The following BTN3A1 variants were observed in gnomAD, a reference collection of about 807,000 sequenced individuals.
BTN3A1 encodes the protein butyrophilin subfamily 3 member A1.
Under a neutral mutation model 43.0 loss-of-function variants are expected in BTN3A1, and 24 were observed. The observed-to-expected ratio is 0.56, with a 90% CI of 0.40 to 0.78. The LOEUF (loss-of-function observed/expected upper bound fraction) is 0.78. Ranked by LOEUF, BTN3A1 falls within the 30% of genes least tolerant of loss-of-function variation. BTN3A1 has a pLI of 0.00. For missense variants in BTN3A1, 533 were observed against 626.2 expected (o/e 0.85, Z 1.59); for synonymous variants, 181 against 234.7 (o/e 0.77, Z 2.09).
Position 26,413,383 on chromosome 6 carries a change from G to A in BTN3A1, c.1233G>A (p.Val411=), listed in dbSNP as rs557429898. The change falls in exon 10 of 10, where the codon GTG becomes GTA. Residue 411 remains valine (V), a synonymous_variant. Coordinates refer to ENST00000289361, the MANE Select transcript of BTN3A1 (RefSeq NM_007048.6). The part of the protein sequence containing the change: ...VGDRKEWHIG[V]CSKNVQRKGW... ...ACAGGAAAGAGTGGCATATAGGGGT[G>A]TGCAGTAAGAATGTGCAGAGAAAAG... is the stretch of plus-strand genomic sequence containing the variant. 19 of 1,613,964 alleles carry A rather than the reference G, an allele frequency of 1.2e-5. No individual in the cohort carries two copies. In the African/African-American group the frequency reaches 1.5e-4, roughly 12 times the overall value.
chr6:26,412,868 G>A (rs1762266745), intron 9 of BTN3A1: 2 of 1,508,170 alleles, frequency 1.3e-6, no homozygotes, highest in Non-Finnish European at 8.9e-7. Flanking sequence ...AATATGGGGA[G>A]GGAAACAAGA....
intron 1 of BTN3A1, among the ~76,000 whole-genome samples, chr6:26,403,623 T>C (rs1021956647): frequency 3.3e-5 from 5 of 151,826 alleles, no homozygotes; most frequent in Non-Finnish European, 7.4e-5. Flanking sequence ...ATGGTCAAAA[T>C]ACTTCCAGAA....
chr6:26,413,103 A>C (rs1455111425), intron 9 of BTN3A1, 66 bp from the exon 10 acceptor site: 2 of 1,556,482 alleles, frequency 1.3e-6, no homozygotes, highest in African/African-American at 2.7e-5. Flanking sequence ...CAGGCCTTGC[A>C]TGCTGAGGCT....
At position 26,412,371 on chromosome 6, in the gene BTN3A1, G is replaced by A. The variant is rs747694421; in HGVS notation, c.1018+790G>A. 21 of 752,678 alleles carry A rather than the reference G, an allele frequency of 2.8e-5. No homozygotes were observed. The East Asian group carries it at 4.0e-4, about 14-fold the overall frequency. 46.6% of individuals were successfully genotyped at this position (752,678 alleles called of 1,614,324 possible). Reference sequence around the variant, plus strand: ...GCAGGGAGGAAGCAGGAAATTAAACGGTGTGTCTCTCCTTTCTTTCTCCTT... The same window carrying A: ...GCAGGGAGGAAGCAGGAAATTAAACAGTGTGTCTCTCCTTTCTTTCTCCTT... On this transcript the variant is annotated intron_variant, in intron 9 of 9. Coordinates refer to ENST00000289361, the MANE Select transcript of BTN3A1 (RefSeq NM_007048.6).
chr6:26,409,830 G>A, intron 5 of BTN3A1, 64 bp from the exon 6 acceptor site: 2 of 1,613,286 alleles, frequency 1.2e-6, no homozygotes, highest in South Asian at 1.1e-5. Flanking sequence ...TTGCTTTTAA[G>A]GTTAATTTTT....
chr6:26,405,823 C>A, intron 2 of BTN3A1, 86 bp from the exon 3 acceptor site: 1 of 1,608,244 alleles, frequency 6.2e-7, no homozygotes, highest in Non-Finnish European at 8.5e-7. Context: ...TTCTTTGTAT[C>A]TCGCCTTCCC....
chr6:26,407,798 C>A lies in BTN3A1; in HGVS notation c.561C>A (p.Ile187=). 1 of 1,614,224 alleles carries A rather than the reference C, an allele frequency of 6.2e-7. No individual in the cohort carries two copies. Among genetic ancestry groups the A allele is most frequent in the South Asian group, 1.1e-5 (1 of 91,084 alleles). The change falls in exon 4 of 10, where the codon ATC becomes ATA. Residue 187 remains isoleucine (I), a synonymous_variant. Transcript: ENST00000289361. ...IQWSNNKGEN[I]PTVEAPVVAD... is the part of the protein sequence containing the mutation. ...GGAGCAACAACAAGGGAGAGAACATCCCGACTGTGGAAGCACCTGTGGTTG... is the reference window on the plus strand; with the variant it reads ...GGAGCAACAACAAGGGAGAGAACATACCGACTGTGGAAGCACCTGTGGTTG...
chr6:26,405,812 T>G (rs1405303132), intron 2 of BTN3A1, 97 bp from the exon 3 acceptor site: 2 of 1,604,006 alleles, frequency 1.2e-6, no homozygotes, highest in Non-Finnish European at 1.7e-6. Context: ...CCCCCACCAG[T>G]TTCTTTGTAT....
intron 4 of BTN3A1, among the ~76,000 whole-genome samples, chr6:26,408,490 G>C (rs1429598577): frequency 2.0e-5 from 3 of 152,302 alleles, no homozygotes; most frequent in South Asian, 2.1e-4. Context: ...TGGCAGGAAT[G>C]TAGGAAGGCT....
chr6:26,411,025 A>AAATT, intron 7 of BTN3A1, 84 bp from the exon 8 acceptor site: 1 of 796,986 alleles, frequency 1.3e-6, no homozygotes, highest in Non-Finnish European at 2.0e-6. Flanking sequence ...AAAAAAAAAG[A>AAATT]TTAGATGGAT....
In BTN3A1 at chr6:26,411,841, G is replaced by A. The variant is rs912518603; in HGVS notation, c.1018+260G>A. On this transcript the variant is annotated intron_variant, in intron 9 of 9. Coordinates refer to ENST00000289361, the MANE Select transcript of BTN3A1 (RefSeq NM_007048.6). The stretch of plus-strand genomic sequence containing the variant: ...TGGGAAGGAAGACATATAAAGGGTG[G>A]ATCTGAGGGGAAGGAGACACACACT... The A allele has an allele frequency of 5.0e-5, 23 of 455,934 alleles. No individual in the cohort carries two copies. In the South Asian group the frequency reaches 6.4e-4, roughly 13 times the overall value. The allele number at this position is 455,934 out of a possible 1,614,324, so 28.2% of individuals were successfully genotyped here.
chr6:26,412,234 G>C, intron 9 of BTN3A1: 1 of 575,368 alleles, frequency 1.7e-6, no homozygotes, highest in African/African-American at 1.9e-5. Flanking sequence ...CCTACACTGG[G>C]ACGGCTAGGG....
rs1762157077 is a variant in BTN3A1, at chr6:26,410,025, T to C, written c.957T>C (p.Tyr319=). 3 of 1,614,168 alleles carry C rather than the reference T, an allele frequency of 1.9e-6. No individual in the cohort carries two copies. The highest frequency in any genetic ancestry group is 1.3e-5 in the African/African-American group (1 of 75,044). ...TTGCAGGATGGAGAAGTATCCAGTATGCATCTCGTAAGTGCCTCTGACATT... is the reference window on the plus strand; with the variant it reads ...TTGCAGGATGGAGAAGTATCCAGTACGCATCTCGTAAGTGCCTCTGACATT... The part of the protein sequence containing the change: ...LEELRWRSIQ[Y]ASRGERHSAY... Residue 319 remains tyrosine, a synonymous_variant, in exon 7 of 10, where the codon TAT becomes TAC. Coordinates refer to ENST00000289361, the MANE Select transcript of BTN3A1 (RefSeq NM_007048.6).
At chr6:26,412,926 T>C (rs970554700) in intron 9 of BTN3A1, 21 of 1,468,974 alleles carry the variant, frequency 1.4e-5, no homozygotes, top group Non-Finnish European at 1.7e-5. Context: ...CGTCAGGGTA[T>C]TGGGTTAGGC....
intron 9 of BTN3A1, chr6:26,412,732 A>C: frequency 6.4e-7 from 1 of 1,551,472 alleles, no homozygotes; most frequent in Non-Finnish European, 8.7e-7. Flanking sequence ...ATGAGGCTCC[A>C]CTTTGTTAAA....
chr6:26,412,693 C>G, intron 9 of BTN3A1: 1 of 1,551,338 alleles, frequency 6.4e-7, no homozygotes, highest in Non-Finnish European at 8.7e-7. Context: ...TTTGTTTATC[C>G]CCATTTTTCA....
intron 9 of BTN3A1, chr6:26,412,308 G>A (rs1762247205): frequency 4.8e-6 from 3 of 621,900 alleles, no homozygotes; most frequent in Non-Finnish European, 2.9e-6. Context: ...CCTGAGAAGA[G>A]TCTTCAGGCC....
chr6:26,405,152 T>C (rs1355857166), intron 1 of BTN3A1, among the ~76,000 whole-genome samples: 1 of 152,156 alleles, frequency 6.6e-6, no homozygotes, highest in Non-Finnish European at 1.5e-5. Flanking sequence ...GTTGGGGCTT[T>C]GAGGAGTCCA....
At chr6:26,405,708 G>A (rs1196781577) in intron 2 of BTN3A1, 60 bp downstream of exon 2, 1 of 1,603,546 alleles carries the variant, frequency 6.2e-7, no homozygotes, top group Non-Finnish European at 8.5e-7. Context: ...TGTCCTCATA[G>A]GACTTTTGAC....
Sources: gnomAD v4.1 joint callset for allele counts (sites outside exome capture counted in the v4.1 genomes callset) on GRCh38, gnomAD v4.1.1 for gene constraint, MANE v1.5 for transcripts, NCBI Gene and HGNC (gene_info 2026-07-23, HGNC 2026-07-21) for gene names.